PDE10A: variants seen among roughly 807,000 people sequenced by gnomAD.
The protein encoded by PDE10A is phosphodiesterase 10A.
In PDE10A, 39 loss-of-function variants were observed where a neutral mutation model predicts 97.7. The observed-to-expected ratio is 0.40, with a 90% CI of 0.31 to 0.52. PDE10A has a LOEUF of 0.52. Among genes scored for constraint, PDE10A ranks in the 20% least tolerant of loss-of-function variants. The pLI is 0.56. For synonymous variants in PDE10A, 371 were observed against 376.8 expected, an observed-to-expected ratio of 0.98 and a Z score of 0.18; for missense variants, 731 against 1,047.8, an observed-to-expected ratio of 0.70 and a Z score of 4.17.
intron 1 of PDE10A, among the ~76,000 whole-genome samples, chr6:165,981,081 G>C (rs1389071647): frequency 1.3e-5 from 2 of 152,146 alleles, no homozygotes; most frequent in Non-Finnish European, 1.5e-5. Context: ...TCAGGTGCAT[G>C]TTTGTTGGGG....
chr6:165,619,321 G>GGTGTA lies in PDE10A; in HGVS notation c.865+42621_865+42625dup, dbSNP rs1331637555. Among the ~76,000 whole-genome samples the GGTGTA allele has an allele frequency of 3.4e-4, 14 of 40,898 alleles. 1 individual carries two copies. In the East Asian group the frequency reaches 4.2e-3, roughly 12 times the overall value. The allele number at this position is 40,898 out of a possible 152,430, so 26.8% of individuals were successfully genotyped here. ...AGTGTAGTGTAGTGTAGTCTAGTGT[G>GGTGTA]GTGTAGTGTAGTGTAGTGTAGTCTA... On this transcript the variant is annotated intron_variant, in intron 1 of 21. Coordinates refer to ENST00000539869, the MANE Select transcript of PDE10A (RefSeq NM_001385079.1).
At chr6:165,506,631 T>C (rs1781207855) in intron 2 of PDE10A, among the ~76,000 whole-genome samples, 1 of 152,114 alleles carries the variant, frequency 6.6e-6, no homozygotes. Context: ...GTACGCAATC[T>C]CACTAAAACT....
chr6:165,540,112 T>C (rs1783340460), intron 2 of PDE10A, among the ~76,000 whole-genome samples: 1 of 152,126 alleles, frequency 6.6e-6, no homozygotes, highest in African/African-American at 2.4e-5. Context: ...CATTCGAAAA[T>C]GTGAGGAATA....
chr6:165,502,729 G>A (rs1406900205), intron 2 of PDE10A, among the ~76,000 whole-genome samples: 2 of 152,184 alleles, frequency 1.3e-5, no homozygotes, highest in Non-Finnish European at 2.9e-5. Context: ...CATCATGCTA[G>A]GTGAGAGAAA....
At chr6:165,893,689 T>C (rs1239306805) in intron 1 of PDE10A, among the ~76,000 whole-genome samples, 1 of 152,164 alleles carries the variant, frequency 6.6e-6, no homozygotes, top group Non-Finnish European at 1.5e-5. Context: ...TATACCCACA[T>C]ATTCGTATAT....
intron 2 of PDE10A, among the ~76,000 whole-genome samples, chr6:165,502,614 TA>T (rs1464861864): frequency 2.0e-5 from 3 of 152,244 alleles, no homozygotes; most frequent in African/African-American, 4.8e-5. Flanking sequence ...TGGTATTTTA[TA>T]GTACACTGCT....
intron 6 of PDE10A, among the ~76,000 whole-genome samples, chr6:165,433,758 G>A (rs1789772803): frequency 6.6e-6 from 1 of 152,126 alleles, no homozygotes; most frequent in Non-Finnish European, 1.5e-5. Context: ...GCTCAAGCCT[G>A]TAATCCCAGC....
At chr6:165,871,696 GGTAA>G (rs1562775988) in intron 1 of PDE10A, among the ~76,000 whole-genome samples, 1 of 152,172 alleles carries the variant, frequency 6.6e-6, no homozygotes, top group African/African-American at 2.4e-5. Context: ...CCCCAGGCAG[GGTAA>G]GTGCCAGGAA....
Position 165,418,162 on chromosome 6 carries a change from T to C in PDE10A, c.1796+473A>G, listed in dbSNP as rs1003469188. The stretch of plus-strand genomic sequence containing the variant: ...GATGCAACACAGGTGTGCTATGTGA[T>C]TGATTAAAACAGCTGGTCAGTCACA... On this transcript the variant is annotated intron_variant, in intron 11 of 21. Coordinates refer to ENST00000539869, the MANE Select transcript of PDE10A (RefSeq NM_001385079.1). This position sits in a 1 kb window ranked among gnomAD's most constrained non-coding sequence, Gnocchi z 4.8. 2.6e-5 allele frequency among the ~76,000 whole-genome samples: 4 copies of C among 152,208 alleles called. No homozygotes were observed. Among genetic ancestry groups the C allele is most frequent in the African/African-American group, 9.7e-5 (4 of 41,444 alleles).
intron 13 of PDE10A, among the ~76,000 whole-genome samples, chr6:165,411,370 G>A (rs1193026476): frequency 6.6e-6 from 1 of 152,076 alleles, no homozygotes; most frequent in African/African-American, 2.4e-5. Flanking sequence ...TTTAAAGCGT[G>A]GGTCCTAATC....
At chr6:165,760,208 A>C (rs377073477) in intron 1 of PDE10A, among the ~76,000 whole-genome samples, 1 of 152,196 alleles carries the variant, frequency 6.6e-6, no homozygotes, top group African/African-American at 2.4e-5. Flanking sequence ...ACTACCACGA[A>C]GGTTTTTCAT....
intron 1 of PDE10A, among the ~76,000 whole-genome samples, chr6:165,813,517 C>T (rs6935732): frequency 0.4 from 60,197 of 151,898 alleles, 12,105 homozygotes; most frequent in Middle Eastern, 0.43. Context: ...GGCTCCTTCC[C>T]GACTTCTGAC....
At chr6:165,840,999 A>C (rs1004634240) in intron 1 of PDE10A, among the ~76,000 whole-genome samples, 9 of 152,230 alleles carry the variant, frequency 5.9e-5, no homozygotes, top group Admixed American at 5.2e-4. Context: ...TTCAAATGTC[A>C]GTTATTTTTA....
intron 1 of PDE10A, among the ~76,000 whole-genome samples, chr6:165,958,774 A>C (rs529845488): frequency 6.8e-6 from 1 of 148,042 alleles, no homozygotes; most frequent in Non-Finnish European, 1.5e-5. Context: ...AGAAGAAAGC[A>C]AGCCAGCCAT....
chr6:165,335,302 T>C (rs1179398430), intron 21 of PDE10A, among the ~76,000 whole-genome samples: 2 of 152,158 alleles, frequency 1.3e-5, no homozygotes, highest in Non-Finnish European at 2.9e-5. Flanking sequence ...CCTTCTTCCA[T>C]TTAAACAACA....
At chr6:165,827,668 A>G (rs920498894) in intron 1 of PDE10A, among the ~76,000 whole-genome samples, 3 of 152,110 alleles carry the variant, frequency 2.0e-5, no homozygotes, top group African/African-American at 7.2e-5. Flanking sequence ...TGCATTTTTT[A>G]TTGCAATAGG....
chr6:165,975,079 A>T (rs1240193621), intron 1 of PDE10A, among the ~76,000 whole-genome samples: 2 of 152,094 alleles, frequency 1.3e-5, no homozygotes, highest in Non-Finnish European at 2.9e-5. Flanking sequence ...CCGGGTCCAG[A>T]CCCTGGAGGT....
At chr6:165,747,717 G>A (rs1792874660) in intron 1 of PDE10A, among the ~76,000 whole-genome samples, 1 of 152,202 alleles carries the variant, frequency 6.6e-6, no homozygotes, top group African/African-American at 2.4e-5. Context: ...TGGCCGCCTG[G>A]CATGGGAGAG....
intron 18 of PDE10A, among the ~76,000 whole-genome samples, chr6:165,378,674 TA>T (rs1401520662): frequency 6.6e-6 from 1 of 152,208 alleles, no homozygotes; most frequent in African/African-American, 2.4e-5. Context: ...GTTCACCAAA[TA>T]AACTTTTCAT....
Sources: allele counts gnomAD v4.1 joint callset (sites outside exome capture counted in the v4.1 genomes callset), GRCh38; gene constraint gnomAD v4.1.1; non-coding constraint Gnocchi (gnomAD v3.1); transcripts MANE v1.5; gene names NCBI Gene and HGNC (gene_info 2026-07-23, HGNC 2026-07-21).